AUTS2: variants seen among roughly 807,000 people sequenced by gnomAD.
AUTS2 encodes autism susceptibility gene 2 protein.
Under a neutral mutation model 112.4 loss-of-function variants are expected in AUTS2, and 17 were observed. That is an observed-to-expected ratio of 0.15 (90% CI 0.10 to 0.23). The LOEUF is 0.23. Among genes scored for constraint, AUTS2 ranks in the 10% least tolerant of loss-of-function variants. The pLI, the probability that AUTS2 is intolerant of heterozygous loss-of-function variation, is 1.00. For synonymous variants in AUTS2, 751 were observed against 702.7 expected (o/e 1.07, Z -1.09); for missense variants, 1,510 against 1,701.6 (o/e 0.89, Z 1.98).
intron 1 of AUTS2, among the ~76,000 whole-genome samples, chr7:69,865,048 A>G (rs1339107634): frequency 6.6e-6 from 1 of 151,740 alleles, no homozygotes; most frequent in Non-Finnish European, 1.5e-5. Context: ...TCACTCACAG[A>G]CGTGAATGAA....
chr7:70,106,901 A>G (rs1310544986), intron 2 of AUTS2, among the ~76,000 whole-genome samples: 1 of 152,168 alleles, frequency 6.6e-6, no homozygotes, highest in Non-Finnish European at 1.5e-5. Flanking sequence ...ACAACATAAG[A>G]AAAGGAGTGG....
At position 70,419,428 on chromosome 7, in the gene AUTS2, A is replaced by C. The variant is rs1795120917; in HGVS notation, c.661-16324A>C. ...AAAATTGGAAAACTAAAACCTACAC[A>C]CTGGGGGCTGGGGGGTGGGGGGAGT... On this transcript the variant is annotated intron_variant, in intron 4 of 18. Coordinates refer to ENST00000342771, the MANE Select transcript of AUTS2 (RefSeq NM_015570.4). Among the ~76,000 whole-genome samples, 3 of 112,674 alleles carry C rather than the reference A, an allele frequency of 2.7e-5. No individual in the cohort carries two copies. In the South Asian group the frequency reaches 1.0e-3, roughly 38 times the overall value. The allele number at this position is 112,674 out of a possible 152,430, so 73.9% of individuals were successfully genotyped here.
At chr7:70,241,436 T>C (rs1485260928) in intron 4 of AUTS2, among the ~76,000 whole-genome samples, 1 of 152,204 alleles carries the variant, frequency 6.6e-6, no homozygotes, top group Non-Finnish European at 1.5e-5. Context: ...TATATAAATG[T>C]TCTGTAAAAT....
intron 1 of AUTS2, among the ~76,000 whole-genome samples, chr7:69,657,603 C>T (rs192532825): frequency 2.0e-5 from 3 of 152,132 alleles, no homozygotes; most frequent in South Asian, 2.1e-4. Context: ...CACCCAGGTG[C>T]GTTCTGATAA....
chr7:69,710,366 T>A (rs1798260463), intron 1 of AUTS2, among the ~76,000 whole-genome samples: 1 of 152,238 alleles, frequency 6.6e-6, no homozygotes, highest in African/African-American at 2.4e-5. Flanking sequence ...TTGTATGTTC[T>A]AGTTATAAAA....
At chr7:70,071,439 T>C (rs1281108179) in intron 2 of AUTS2, among the ~76,000 whole-genome samples, 2 of 152,210 alleles carry the variant, frequency 1.3e-5, no homozygotes, top group Admixed American at 6.5e-5. Context: ...TAGTTCTTGA[T>C]TGTTCACAGT....
intron 4 of AUTS2, among the ~76,000 whole-genome samples, chr7:70,406,273 C>T (rs1019066576): frequency 1.3e-5 from 2 of 152,138 alleles, no homozygotes; most frequent in Admixed American, 6.5e-5. Flanking sequence ...CCCCCTGTTT[C>T]CCTGCAATGG....
chr7:70,484,993 C>T (rs1190061175), intron 5 of AUTS2, among the ~76,000 whole-genome samples: 3 of 152,054 alleles, frequency 2.0e-5, no homozygotes, highest in Non-Finnish European at 2.9e-5. Context: ...TAGATGTTGC[C>T]GTGGTTGTGG....
Position 70,763,040 on chromosome 7 carries a change from C to T in AUTS2, c.913C>T (p.Pro305Ser), listed in dbSNP as rs767169128. The change falls in exon 7 of 19, where the codon CCA (proline) becomes TCA (serine). Residue 305 changes from proline (P) to serine (S), a missense_variant. This residue lies in a region of AUTS2 where 535 missense variants were observed against 594.3 expected (regional missense o/e 0.90). Transcript: ENST00000342771. ...AGACCCCTGCCCTCAGGTCGCACAG[C>T]CAATACCCCAGCCGCAGACGGAGCC... The part of the protein sequence containing the change: ...LKDPCPQVAQ[P>S]IPQPQTEPQL... 1 of 1,613,980 alleles carries T rather than the reference C, an allele frequency of 6.2e-7. No individual in the cohort carries two copies. The highest frequency in any genetic ancestry group is 1.3e-5 in the African/African-American group (1 of 74,886).
chr7:70,209,149 G>A (rs1303860722), intron 4 of AUTS2, among the ~76,000 whole-genome samples: 1 of 152,148 alleles, frequency 6.6e-6, no homozygotes, highest in East Asian at 1.9e-4. Flanking sequence ...AATGTAAAGT[G>A]GTTGCATTCG....
chr7:69,790,418 G>A (rs1221480471), intron 1 of AUTS2, among the ~76,000 whole-genome samples: 2 of 152,224 alleles, frequency 1.3e-5, no homozygotes, highest in African/African-American at 4.8e-5. Flanking sequence ...GATGACAATG[G>A]GAGGAGAGGG....
chr7:69,852,260 T>TC (rs1368133713), intron 1 of AUTS2, among the ~76,000 whole-genome samples: 4 of 152,178 alleles, frequency 2.6e-5, no homozygotes, highest in African/African-American at 9.7e-5. Flanking sequence ...CTGGAATAAA[T>TC]CCCATTTGGT....
chr7:70,481,153 C>T (rs2116184684), intron 5 of AUTS2, among the ~76,000 whole-genome samples: 1 of 152,272 alleles, frequency 6.6e-6, no homozygotes, highest in African/African-American at 2.4e-5. Context: ...GCAAGGAAAG[C>T]AGTTAAACTG....
chr7:69,934,943 C>G (rs1473331052), intron 2 of AUTS2, among the ~76,000 whole-genome samples: 1 of 152,126 alleles, frequency 6.6e-6, no homozygotes, highest in Non-Finnish European at 1.5e-5. Context: ...TGTGCATTAC[C>G]TTTTGAGTTT....
chr7:70,785,647 G>T (rs752982651), intron 16 of AUTS2, among the ~76,000 whole-genome samples: 2 of 152,208 alleles, frequency 1.3e-5, no homozygotes, highest in African/African-American at 2.4e-5. Flanking sequence ...TGCATTCCTG[G>T]CAGAGGCGAG....
chr7:70,693,484 G>T (rs971341785), intron 5 of AUTS2, among the ~76,000 whole-genome samples: 8 of 152,188 alleles, frequency 5.3e-5, no homozygotes, highest in African/African-American at 1.7e-4. Context: ...GCCAGTTCAT[G>T]CTCTTAAGTT....
chr7:70,515,169 G>T (rs1799365523), intron 5 of AUTS2, among the ~76,000 whole-genome samples: 1 of 152,166 alleles, frequency 6.6e-6, no homozygotes. Flanking sequence ...TCTCCTGCAG[G>T]CAGTGGGGAG....
At chr7:70,167,575 A>G (rs1808450256) in intron 4 of AUTS2, among the ~76,000 whole-genome samples, 1 of 152,244 alleles carries the variant, frequency 6.6e-6, no homozygotes, top group Non-Finnish European at 1.5e-5. Flanking sequence ...GACTCAATCA[A>G]CATTTATAGA....
chr7:70,211,798 A>T (rs1810915852), intron 4 of AUTS2, among the ~76,000 whole-genome samples: 1 of 151,984 alleles, frequency 6.6e-6, no homozygotes, highest in South Asian at 2.1e-4. Context: ...CATCCTGGCT[A>T]ACATGGTGAA....
Sources: gnomAD v4.1 joint callset for allele counts (sites outside exome capture counted in the v4.1 genomes callset) on GRCh38, gnomAD v4.1.1 for gene constraint, gnomAD v4.1.1 regional missense constraint, MANE v1.5 for transcripts, NCBI Gene and HGNC (gene_info 2026-07-23, HGNC 2026-07-21) for gene names.